The following TERF1 variants were observed in gnomAD, a reference collection of about 807,000 sequenced individuals.
TERF1 encodes telomeric repeat binding factor 1, also known as telomeric repeat-binding factor 1.
In TERF1, 20 loss-of-function variants were observed where a neutral mutation model predicts 55.1. That is an observed-to-expected ratio of 0.36 (90% CI 0.26 to 0.53). TERF1 has a LOEUF of 0.53. Among genes scored for constraint, TERF1 ranks in the 20% least tolerant of loss-of-function variants. TERF1 has a pLI of 0.91. For missense variants in TERF1, 439 were observed against 535.7 expected (o/e 0.82, Z 1.78); for synonymous variants, 168 against 181.2 (o/e 0.93, Z 0.59).
At chr8:73,009,950 C>T (rs1364087677) in intron 1 of TERF1, 1 of 152,000 alleles carries the variant, frequency 6.6e-6, no homozygotes, top group Non-Finnish European at 1.5e-5. Flanking sequence ...CAGGCTCGAC[C>T]TCCTCAGGCT....
At chr8:73,011,644 A>C (rs1044511528) in intron 1 of TERF1, 4 of 152,280 alleles carry the variant, frequency 2.6e-5, no homozygotes, top group African/African-American at 9.6e-5. Flanking sequence ...TTACTTCAGC[A>C]CTTGCTGCTT....
chr8:73,022,791 A>G (rs965469644), intron 4 of TERF1, among the ~76,000 whole-genome samples: 2 of 152,116 alleles, frequency 1.3e-5, no homozygotes, highest in African/African-American at 4.8e-5. Context: ...CTACAAAAAA[A>G]TTAAAAATTA....
At chr8:73,027,922 C>T (rs139056862) in intron 6 of TERF1, among the ~76,000 whole-genome samples, 5 of 152,282 alleles carry the variant, frequency 3.3e-5, no homozygotes, top group African/African-American at 1.2e-4. Context: ...ATAGTGGCCC[C>T]TCCTATTGTT....
chr8:73,037,765 G>T (rs1466228665), intron 8 of TERF1, among the ~76,000 whole-genome samples: 1,529 of 51,856 alleles, frequency 0.029, 64 homozygotes, highest in African/African-American at 0.086. Flanking sequence ...ATATTATATA[G>T]TATAATATAT....
At chr8:73,028,006 T>C (rs916414932) in intron 6 of TERF1, among the ~76,000 whole-genome samples, 2 of 152,198 alleles carry the variant, frequency 1.3e-5, no homozygotes, top group Non-Finnish European at 2.9e-5. Context: ...TTATTTCACA[T>C]TGATGTACTT....
rs749194055 is a variant in TERF1, at chr8:73,008,934, G to A, written c.48G>A (p.Ala16=). 14 of 1,612,588 alleles carry A rather than the reference G, an allele frequency of 8.7e-6. No individual in the cohort carries two copies. The highest frequency in any genetic ancestry group is 5.3e-5 in the African/African-American group (4 of 74,928). ...CGGCCCCGAGCCCGCGGGGCTGTGC[G>A]GATGGTAGGGATGCCGACCCTACTG... ...SSAAPSPRGC[A]DGRDADPTEE... The change falls in exon 1 of 10, where the codon GCG becomes GCA. Residue 16 remains alanine (A), a synonymous_variant. Transcript: ENST00000276603.
chr8:73,017,494 C>T (rs993476890), intron 2 of TERF1, among the ~76,000 whole-genome samples: 4 of 152,102 alleles, frequency 2.6e-5, no homozygotes, highest in Non-Finnish European at 4.4e-5. Context: ...TATGCTGCTC[C>T]ATTTTCCTGA....
At chr8:73,032,262 TAG>T in intron 8 of TERF1, 129 bp downstream of exon 8, 2 of 618,126 alleles carry the variant, frequency 3.2e-6, no homozygotes, top group South Asian at 4.5e-5. Flanking sequence ...CTTGACTTCA[TAG>T]AGTTAATTGA....
rs541329076 is a variant in TERF1, at chr8:73,024,574, ATACTCTGGTT to A, written c.625-245_625-236del. Among the ~76,000 whole-genome samples the A allele has an allele frequency of 6.2e-4, 94 of 152,280 alleles. 2 individuals carry two copies. The East Asian group carries it at 0.018, about 28-fold the overall frequency. On this transcript the variant is annotated intron_variant, in intron 4 of 9. Coordinates refer to ENST00000276603, the MANE Select transcript of TERF1 (RefSeq NM_017489.3). ...TTTTATTTCTGAAACTGGGTAATGG[ATACTCTGGTT>A]TATAATACATATCTTTTTGAATCTG...
chr8:73,015,651 C>T (rs776142442), intron 2 of TERF1, among the ~76,000 whole-genome samples: 1 of 151,534 alleles, frequency 6.6e-6, no homozygotes, highest in African/African-American at 2.4e-5. Flanking sequence ...TCCTTGCTAA[C>T]GTGGTGAAAC....
intron 9 of TERF1, 94 bp from the exon 10 acceptor site, chr8:73,045,867 C>A: frequency 1.1e-6 from 1 of 937,272 alleles, no homozygotes; most frequent in Non-Finnish European, 1.5e-6. Context: ...AGAAACTAAG[C>A]ATTATTTTGA....
intron 1 of TERF1, 121 bp downstream of exon 1, chr8:73,009,326 G>A: frequency 1.0e-6 from 1 of 955,694 alleles, no homozygotes; most frequent in Non-Finnish European, 1.5e-6. Context: ...CGATTAGCTG[G>A]GAGTCCGAGG....
In TERF1 at chr8:73,046,125, C is replaced by A; in HGVS notation, c.1308C>A (p.Asp436Glu). ...AGAAACTAAAACTGATTTCCTCAGA[C>A]AGCGAAGACTGATTGTGTTTGTAAA... ...TMKKLKLISS[D>E]SED Residue 436 changes from aspartate to glutamate, a missense_variant, in exon 10 of 10, where the codon GAC becomes GAA. By Grantham distance (45) the Asp-to-Glu change is conservative. Around this residue, in one of 4 missense-constraint regions of TERF1, gnomAD observed 25 missense variants for 57.3 expected, o/e 0.44. Transcript: ENST00000276603. 6.3e-7 allele frequency: 1 copy of A among 1,588,596 alleles called. No homozygotes were observed.
Position 73,022,302 on chromosome 8 carries a change from G to GGTA in TERF1, c.624+1_624+3dup. 6.5e-7 allele frequency: 1 copy of GGTA among 1,539,104 alleles called. No homozygotes were observed. Among genetic ancestry groups the GGTA allele is most frequent in the Non-Finnish European group, 8.8e-7 (1 of 1,134,576 alleles). On this transcript the variant is annotated inframe_insertion and splice_region_variant. Transcript: ENST00000276603. ...TATTTGGTGATCCAAATTCTCATATGGTAATTATTTAAATTAAAACCATAG... is the reference window on the plus strand; with the variant it reads ...TATTTGGTGATCCAAATTCTCATATGGTAGTAATTATTTAAATTAAAACCATAG...
Position 73,022,283 on chromosome 8 carries a change from G to GATA in TERF1, c.605_606insATA (p.Gly202_Asp203insTyr). On this transcript the variant is annotated inframe_insertion, in exon 4 of 10. Transcript: ENST00000276603. The stretch of plus-strand genomic sequence containing the variant: ...GAAGAAGTCTTTGAAAGAATATTTG[G>GATA]TGATCCAAATTCTCATATGGTAATT... The GATA allele has an allele frequency of 6.3e-7, 1 of 1,585,176 alleles. No homozygotes were observed. The highest frequency in any genetic ancestry group is 1.2e-5 in the South Asian group (1 of 85,184).
intron 7 of TERF1, 144 bp from the exon 8 acceptor site, chr8:73,031,898 G>T: frequency 3.9e-6 from 2 of 513,514 alleles, no homozygotes; most frequent in Non-Finnish European, 6.8e-6. Context: ...TTAAGATGGG[G>T]TACTAAGCAG....
chr8:73,009,230 G>A (rs991823376), intron 1 of TERF1, 25 bp downstream of exon 1: 2 of 1,588,036 alleles, frequency 1.3e-6, no homozygotes, highest in African/African-American at 1.3e-5. Context: ...CGTCCGGGCC[G>A]GGACTACGCG....
intron 1 of TERF1, 53 bp downstream of exon 1, chr8:73,009,258 C>T: frequency 1.9e-6 from 3 of 1,558,164 alleles, no homozygotes; most frequent in Admixed American, 1.8e-5. Flanking sequence ...GATGCGGGCT[C>T]CGTGGTGCGC....
At chr8:73,035,770 C>A (rs965485101) in intron 8 of TERF1, among the ~76,000 whole-genome samples, 2 of 152,128 alleles carry the variant, frequency 1.3e-5, no homozygotes, top group Non-Finnish European at 2.9e-5. Flanking sequence ...TTCCATTTTC[C>A]TGACTGGAAC....
Sources: allele counts gnomAD v4.1 joint callset (sites outside exome capture counted in the v4.1 genomes callset), GRCh38; gene constraint gnomAD v4.1.1; regional missense constraint gnomAD v4.1.1; transcripts MANE v1.5; gene names NCBI Gene and HGNC (gene_info 2026-07-23, HGNC 2026-07-21).